VPS13A: variants seen among roughly 807,000 people sequenced by gnomAD.
The protein encoded by VPS13A is vacuolar protein sorting 13 homolog A.
VPS13A carries 264 observed loss-of-function variants against 390.9 expected under a neutral mutation model. That is an observed-to-expected ratio of 0.68 (90% confidence interval 0.61 to 0.75). VPS13A has a LOEUF of 0.75. VPS13A is among the 30% of genes least tolerant of loss of function. VPS13A has a pLI of 0.00. For missense variants in VPS13A, 3,409 were observed against 3,733.9 expected, an observed-to-expected ratio of 0.91 and a Z score of 2.27; for synonymous variants, 1,231 against 1,227.1, an observed-to-expected ratio of 1.00 and a Z score of -0.07.
In VPS13A at chr9:77,332,036, G is replaced by A. The variant is rs201300715; in HGVS notation, c.6018G>A (p.Leu2006=). ...VQIRNHFSVP[L]SVYEGDTLLG... ...TAAGAAATCATTTTTCAGTCCCACT[G>A]TCTGTTTACGAAGGGGATACCTTAT... is the stretch of plus-strand genomic sequence containing the variant. Residue 2006 remains leucine, a synonymous_variant, in exon 46 of 72, where the codon CTG becomes CTA. Coordinates refer to ENST00000360280, the MANE Select transcript of VPS13A (RefSeq NM_033305.3). 1.5e-5 allele frequency: 24 copies of A among 1,611,098 alleles called. No individual in the cohort carries two copies. In the Admixed American group the frequency reaches 3.5e-4, roughly 24 times the overall value.
chr9:77,305,434 C>T (rs1442940118), intron 34 of VPS13A: 2 of 151,212 alleles, frequency 1.3e-5, no homozygotes, highest in East Asian at 3.9e-4. Context: ...CATATAGAAA[C>T]TTATAAAACA....
At chr9:77,400,310 T>C (rs1244527410) in intron 68 of VPS13A, among the ~76,000 whole-genome samples, 2 of 151,160 alleles carry the variant, frequency 1.3e-5, no homozygotes, top group Non-Finnish European at 2.9e-5. Context: ...TTTCTGTCGG[T>C]TTCTTCAAAT....
intron 68 of VPS13A, chr9:77,395,609 T>C (rs1834090530): frequency 6.6e-6 from 1 of 152,170 alleles, no homozygotes; most frequent in Non-Finnish European, 1.5e-5. Flanking sequence ...AAAAACACAA[T>C]ATCTGGGAAA....
At chr9:77,265,369 T>C (rs777494568) in intron 23 of VPS13A, among the ~76,000 whole-genome samples, 1 of 152,232 alleles carries the variant, frequency 6.6e-6, no homozygotes, top group African/African-American at 2.4e-5. Flanking sequence ...TCAGAAGGAC[T>C]GGTACCACCT....
intron 67 of VPS13A, among the ~76,000 whole-genome samples, chr9:77,377,690 C>T (rs1011468800): frequency 1.3e-5 from 2 of 152,008 alleles, no homozygotes; most frequent in Non-Finnish European, 2.9e-5. Context: ...AACTTTACTT[C>T]TTCCTTTCTG....
At chr9:77,298,473 T>G (rs1278504361) in intron 33 of VPS13A, among the ~76,000 whole-genome samples, 1 of 152,060 alleles carries the variant, frequency 6.6e-6, no homozygotes, top group Non-Finnish European at 1.5e-5. Flanking sequence ...AAAATGTATT[T>G]GAGGCAGCAG....
At position 77,305,110 on chromosome 9, in the gene VPS13A, TTG is replaced by T. The variant is rs1587539149; in HGVS notation, c.3960+2052_3960+2053del. 2.6e-5 allele frequency among the ~76,000 whole-genome samples: 4 copies of T among 152,060 alleles called. No individual in the cohort carries two copies. The East Asian group carries it at 7.7e-4, about 29-fold the overall frequency. On this transcript the variant is annotated intron_variant, in intron 34 of 71. Transcript: ENST00000360280. ...TCCGCCACCGCGCCCGGCTAATTTTTTGTGTTTGTAGTAGAGACGGGATTTCA... is the reference window on the plus strand; with the variant it reads ...TCCGCCACCGCGCCCGGCTAATTTTTTGTTTGTAGTAGAGACGGGATTTCA...
chr9:77,263,529 C>T (rs992626172), intron 23 of VPS13A, among the ~76,000 whole-genome samples: 2 of 152,020 alleles, frequency 1.3e-5, no homozygotes, highest in South Asian at 2.1e-4. Context: ...GTTTGTTGGC[C>T]GCATAAATGT....
Position 77,337,523 on chromosome 9 carries a change from G to A in VPS13A, c.6364G>A (p.Ala2122Thr). 1 of 1,612,540 alleles carries A rather than the reference G, an allele frequency of 6.2e-7. No homozygotes were observed. The highest frequency in any genetic ancestry group is 8.5e-7 in the Non-Finnish European group (1 of 1,179,390). The change falls in exon 47 of 72, where the codon GCT becomes ACT. Residue 2122 changes from alanine to threonine, a missense_variant. By Grantham distance (58) the Ala-to-Thr change is moderately conservative. This residue lies in a region of VPS13A where 2,717 missense variants were observed against 2,917.4 expected (regional missense o/e 0.93). Transcript: ENST00000360280. ...LLRNLLPYKI[A>T]YYIEGIENSV... ...CCGAAATCTTCTTCCTTACAAAATT[G>A]CTTATTATATAGAGGTATCGGCAAA...
chr9:77,282,518 TAGG>T (rs1827099842), intron 29 of VPS13A, among the ~76,000 whole-genome samples: 3 of 152,140 alleles, frequency 2.0e-5, no homozygotes, highest in Admixed American at 2.0e-4. Context: ...GATTATATAG[TAGG>T]AGTATTAGAT....
In VPS13A at chr9:77,321,803, A is replaced by C. The variant is rs1313722334; in HGVS notation, c.5830+57A>C. The C allele has an allele frequency of 5.7e-6, 9 of 1,585,162 alleles. No individual in the cohort carries two copies. The East Asian group carries it at 1.8e-4, about 32-fold the overall frequency. Reference sequence around the variant, plus strand: ...TATTTTGTTTTAAATTACAATTTACATGTTATTTTACTCTTTTGTAGAATC... The same window carrying C: ...TATTTTGTTTTAAATTACAATTTACCTGTTATTTTACTCTTTTGTAGAATC... On this transcript the variant is annotated intron_variant, in intron 44 of 71. Transcript: ENST00000360280.
intron 1 of VPS13A, among the ~76,000 whole-genome samples, chr9:77,186,815 G>C (rs1434318236): frequency 6.6e-6 from 1 of 152,058 alleles, no homozygotes; most frequent in African/African-American, 2.4e-5. Flanking sequence ...TTCATCTCCT[G>C]ACTTCACCAT....
chr9:77,322,150 A>G (rs1829782957), intron 44 of VPS13A, among the ~76,000 whole-genome samples: 1 of 150,290 alleles, frequency 6.7e-6, no homozygotes, highest in African/African-American at 2.4e-5. Context: ...CTAAGTGTGA[A>G]TTCATGCAGA....
At position 77,323,195 on chromosome 9, in the gene VPS13A, A is replaced by G. The variant is rs747406135; in HGVS notation, c.5959A>G (p.Ser1987Gly). Reference protein sequence around the residue: ...IVCQIDTVEGSKKVTIRSPVQ... With the variant: ...IVCQIDTVEGGKKVTIRSPVQ... ...TTGTCAAATTGATACAGTAGAAGGA[A>G]GTAAGAAGGTCACAATTCGCTCCCC... Residue 1987 changes from serine (S) to glycine (G), a missense_variant, in exon 45 of 72, where the codon AGT becomes GGT. Physicochemically the swap from Ser to Gly is moderately conservative, Grantham distance 56 (BLOSUM62 0). Coordinates refer to ENST00000360280, the MANE Select transcript of VPS13A (RefSeq NM_033305.3). The G allele has an allele frequency of 6.2e-7, 1 of 1,613,546 alleles. No homozygotes were observed.
chr9:77,209,323 A>G, intron 5 of VPS13A, 100 bp from the exon 6 acceptor site: 8 of 795,846 alleles, frequency 1.0e-5, no homozygotes, highest in Non-Finnish European at 1.5e-5. Context: ...ATATATATGT[A>G]TATTTCAGCA....
chr9:77,343,179 C>CT (rs1830935879), intron 50 of VPS13A, among the ~76,000 whole-genome samples: 1 of 152,174 alleles, frequency 6.6e-6, no homozygotes, highest in Non-Finnish European at 1.5e-5. Context: ...AATGAAGTGC[C>CT]TGGGCTAGGA....
Position 77,177,615 on chromosome 9 carries a change from G to T in VPS13A, c.-90G>T, listed in dbSNP as rs1277458670. On this transcript the variant is annotated 5_prime_UTR_variant, in exon 1 of 72. Coordinates refer to ENST00000360280, the MANE Select transcript of VPS13A (RefSeq NM_033305.3). ...CAGCTGAAGCCGCCCCGGAGCCGGTGAACCGAATTACCTCGAGGGAGGGGC... is the reference window on the plus strand; with the variant it reads ...CAGCTGAAGCCGCCCCGGAGCCGGTTAACCGAATTACCTCGAGGGAGGGGC... The T allele has an allele frequency of 4.0e-6, 5 of 1,259,120 alleles. No individual in the cohort carries two copies. Among genetic ancestry groups the T allele is most frequent in the South Asian group, 1.2e-5 (1 of 81,982 alleles). 78.0% of individuals were successfully genotyped at this position (1,259,120 alleles called of 1,614,324 possible).
chr9:77,329,074 G>T (rs1055064325), intron 45 of VPS13A, among the ~76,000 whole-genome samples: 3 of 152,102 alleles, frequency 2.0e-5, no homozygotes, highest in African/African-American at 7.2e-5. Context: ...CAGCATGCAG[G>T]AAACTGTCCC....
chr9:77,239,141 A>G (rs1418088524), intron 19 of VPS13A, among the ~76,000 whole-genome samples: 4 of 152,016 alleles, frequency 2.6e-5, no homozygotes, highest in Admixed American at 6.5e-5. Context: ...CTCATTATCA[A>G]TGTAGATTTT....
Sources: gnomAD v4.1 joint callset for allele counts (sites outside exome capture counted in the v4.1 genomes callset) on GRCh38, gnomAD v4.1.1 for gene constraint, gnomAD v4.1.1 regional missense constraint, MANE v1.5 for transcripts, NCBI Gene and HGNC (gene_info 2026-07-23, HGNC 2026-07-21) for gene names.